The following PIAS2 variants were observed in gnomAD, a reference collection of about 807,000 sequenced individuals.
PIAS2 encodes the protein protein inhibitor of activated STAT 2.
A neutral mutation model predicts 69.7 loss-of-function variants in PIAS2; 19 were observed. The observed-to-expected ratio is 0.27, with a 90% CI of 0.19 to 0.40. PIAS2 has a LOEUF of 0.40. Ranked by LOEUF, PIAS2 falls within the 10% of genes least tolerant of loss-of-function variation. The pLI, the probability that PIAS2 is intolerant of heterozygous loss-of-function variation, is 1.00. For synonymous variants in PIAS2, 261 were observed against 263.2 expected (o/e 0.99, Z 0.08); for missense variants, 624 against 757.0 (o/e 0.82, Z 2.06).
chr18:46,842,277 CAAAA>C (rs56665149), intron 8 of PIAS2, among the ~76,000 whole-genome samples: 2 of 98,516 alleles, frequency 2.0e-5, no homozygotes, highest in African/African-American at 3.5e-5. Context: ...GTTATGAATG[CAAAA>C]AAAAAAAAAA....
At chr18:46,836,249 C>T (rs1169756834) in intron 9 of PIAS2, 108 bp downstream of exon 9, 1 of 803,690 alleles carries the variant, frequency 1.2e-6, no homozygotes, top group African/African-American at 1.7e-5. Flanking sequence ...TGGATTTATG[C>T]TAGAGTAGAA....
At chr18:46,863,166 C>T (rs2048930695) in intron 3 of PIAS2, among the ~76,000 whole-genome samples, 1 of 152,104 alleles carries the variant, frequency 6.6e-6, no homozygotes, top group African/African-American at 2.4e-5. Flanking sequence ...GACTATACAG[C>T]TCACTTTACC....
At chr18:46,855,725 T>C in intron 3 of PIAS2, 110 bp from the exon 4 acceptor site, 1 of 799,948 alleles carries the variant, frequency 1.3e-6, no homozygotes, top group Non-Finnish European at 2.1e-6. Flanking sequence ...TCTTATTCCC[T>C]GAAAGGTGAT....
rs532867686 is a variant in PIAS2, at chr18:46,917,200, G to A, written c.24+122C>T. On this transcript the variant is annotated intron_variant, in intron 1 of 13. Transcript: ENST00000585916. ...TCGGCGCCCGTTCGTCCGCGGGCCG[G>A]GGCTCAGGGCTCCGCCAACCGGCCC... 2.8e-4 allele frequency: 360 copies of A among 1,274,372 alleles called. No individual in the cohort carries two copies. In the African/African-American group the frequency reaches 5.1e-3, roughly 18 times the overall value. The allele number at this position is 1,274,372 out of a possible 1,614,324, so 78.9% of individuals were successfully genotyped here. A position where few individuals can be genotyped will look rare whatever the true frequency, so the allele number is the denominator to read the frequency against.
chr18:46,848,855 T>G (rs910418020), intron 5 of PIAS2, among the ~76,000 whole-genome samples: 5 of 142,802 alleles, frequency 3.5e-5, no homozygotes, highest in African/African-American at 1.3e-4. Context: ...AAAAAGTTGC[T>G]CAGAAAAAAA....
intron 3 of PIAS2, among the ~76,000 whole-genome samples, chr18:46,856,006 T>TTTTTC (rs2047727209): frequency 8.4e-6 from 1 of 118,386 alleles, no homozygotes; most frequent in African/African-American, 3.1e-5. Context: ...TGTTTTTTTT[T>TTTTTC]TTTTTTTTTT....
At chr18:46,908,187 G>C (rs1228705122) in intron 1 of PIAS2, among the ~76,000 whole-genome samples, 2 of 152,056 alleles carry the variant, frequency 1.3e-5, no homozygotes, top group Admixed American at 6.5e-5. Context: ...TGTTGCCCAG[G>C]CTGGTCTTGA....
At chr18:46,887,235 A>T (rs754002501) in intron 2 of PIAS2, among the ~76,000 whole-genome samples, 1 of 151,316 alleles carries the variant, frequency 6.6e-6, no homozygotes, top group Non-Finnish European at 1.5e-5. Context: ...GCTAAAACAT[A>T]AATAAAGCAA....
chr18:46,811,417 CA>C lies in PIAS2; in HGVS notation c.*1015del. On this transcript the variant is annotated 3_prime_UTR_variant, in exon 14 of 14. Transcript: ENST00000585916. ...AAATACAAAGTTTCATCAAATATTT[CA>C]CTACTATTCTGTAAAATAAATGAGA... 1 of 152,230 alleles carries C rather than the reference CA, an allele frequency of 6.6e-6. No homozygotes were observed. The highest frequency in any genetic ancestry group is 2.1e-4 in the South Asian group (1 of 4,812). 9.4% of individuals were successfully genotyped at this position (152,230 alleles called of 1,614,324 possible).
At chr18:46,906,766 G>C (rs2056648401) in intron 1 of PIAS2, among the ~76,000 whole-genome samples, 1 of 117,986 alleles carries the variant, frequency 8.5e-6, no homozygotes, top group Admixed American at 8.6e-5. Context: ...AGATGTATGT[G>C]TGTGTGTGGG....
In PIAS2 at chr18:46,812,624, AAAC is replaced by A; in HGVS notation, c.1687-15_1687-13del. 2 of 1,562,238 alleles carry A rather than the reference AAAC, an allele frequency of 1.3e-6. No homozygotes were observed. ...ATAGGAGGACAGTACTGCTTGAAAC[AAAC>A]AATGATGCCAATGAGGAAGAGGCTA... On this transcript the variant is annotated splice_polypyrimidine_tract_variant and intron_variant, in intron 13 of 13. Coordinates refer to ENST00000585916, the MANE Select transcript of PIAS2 (RefSeq NM_004671.5).
At position 46,807,383 on chromosome 18, in the gene PIAS2, A is replaced by ATATATATATATATGTT. The variant is rs869149927; in HGVS notation, c.*5049_*5050insAACATATATATATATA. 8.6e-5 allele frequency: 1 copy of ATATATATATATATGTT among 11,612 alleles called. No individual in the cohort carries two copies. Among genetic ancestry groups the ATATATATATATATGTT allele is most frequent in the Non-Finnish European group, 1.3e-4 (1 of 7,456 alleles). 0.7% of individuals were successfully genotyped at this position (11,612 alleles called of 1,614,324 possible). On this transcript the variant is annotated 3_prime_UTR_variant, in exon 14 of 14. Transcript: ENST00000585916. ...TATATATATATATATATATATATAT[A>ATATATATATATATGTT]TTTTTTTTTTTTTTTTTTTTTTTTT...
In PIAS2 at chr18:46,812,363, T is replaced by C. The variant is rs1599234068; in HGVS notation, c.*70A>G. On this transcript the variant is annotated 3_prime_UTR_variant, in exon 14 of 14. Coordinates refer to ENST00000585916, the MANE Select transcript of PIAS2 (RefSeq NM_004671.5). ...TATTAAAAAAAAAAAAAAAAGAACGTTTCCACAGACTAGAGATCCAAGAAA... is the reference window on the plus strand; with the variant it reads ...TATTAAAAAAAAAAAAAAAAGAACGCTTCCACAGACTAGAGATCCAAGAAA... 1 of 853,822 alleles carries C rather than the reference T, an allele frequency of 1.2e-6. No homozygotes were observed. The highest frequency in any genetic ancestry group is 1.7e-5 in the African/African-American group (1 of 58,120). The allele number at this position is 853,822 out of a possible 1,614,324, so 52.9% of individuals were successfully genotyped here.
chr18:46,891,067 A>G lies in PIAS2; in HGVS notation c.25-13T>C, dbSNP rs765905604. Reference sequence around the variant, plus strand: ...TAGAAACCATATTCTAAAAGGAAAGAAAAAAAAACATAAGCCAAGTCACCC... The same window carrying G: ...TAGAAACCATATTCTAAAAGGAAAGGAAAAAAAACATAAGCCAAGTCACCC... On this transcript the variant is annotated splice_polypyrimidine_tract_variant and intron_variant, in intron 1 of 13. Transcript: ENST00000585916. The G allele has an allele frequency of 2.0e-6, 3 of 1,510,876 alleles. No homozygotes were observed. In the South Asian group the frequency reaches 3.7e-5, roughly 18 times the overall value. 93.6% of individuals were successfully genotyped at this position (1,510,876 alleles called of 1,614,324 possible).
intron 1 of PIAS2, among the ~76,000 whole-genome samples, chr18:46,910,933 T>C (rs958373878): frequency 6.6e-6 from 1 of 152,114 alleles, no homozygotes; most frequent in Admixed American, 6.6e-5. Flanking sequence ...AAACAACTAT[T>C]GAAGGCTGTA....
rs1197028458 is a variant in PIAS2 at position 46,806,996 on chromosome 18, C to A, written c.*5437G>T. 1 of 152,026 alleles carries A rather than the reference C, an allele frequency of 6.6e-6. No individual in the cohort carries two copies. The highest frequency in any genetic ancestry group is 1.9e-4 in the East Asian group (1 of 5,156). 9.4% of individuals were successfully genotyped at this position (152,026 alleles called of 1,614,324 possible). ...TGTTTTTTTCTTTCCCTGCAGCTAC[C>A]CTTATTGGAAACATAAGGGAATATA... On this transcript the variant is annotated 3_prime_UTR_variant, in exon 14 of 14. Transcript: ENST00000585916.
At chr18:46,884,602 G>A (rs964738848) in intron 2 of PIAS2, among the ~76,000 whole-genome samples, 25 of 151,250 alleles carry the variant, frequency 1.7e-4, no homozygotes, top group African/African-American at 5.6e-4. Flanking sequence ...GTGAGCCACC[G>A]CACCTGGCCT....
intron 10 of PIAS2, among the ~76,000 whole-genome samples, chr18:46,828,918 G>GA (rs1599444514): frequency 6.6e-6 from 1 of 152,294 alleles, no homozygotes; most frequent in East Asian, 1.9e-4. Context: ...AAAGATGAGA[G>GA]AAACCTTGGT....
At chr18:46,877,579 G>T (rs1180023704) in intron 2 of PIAS2, among the ~76,000 whole-genome samples, 1 of 152,094 alleles carries the variant, frequency 6.6e-6, no homozygotes, top group Non-Finnish European at 1.5e-5. Flanking sequence ...AACACGTCTT[G>T]TACCGTAACA....
Sources: gnomAD v4.1 joint callset for allele counts (sites outside exome capture counted in the v4.1 genomes callset) on GRCh38, gnomAD v4.1.1 for gene constraint, MANE v1.5 for transcripts, NCBI Gene and HGNC (gene_info 2026-07-23, HGNC 2026-07-21) for gene names.